ZSWIM4: variants seen among roughly 807,000 people sequenced by gnomAD.
The protein encoded by ZSWIM4 is zinc finger SWIM domain-containing protein 4.
Under a neutral mutation model 102.5 loss-of-function variants are expected in ZSWIM4, and 62 were observed. The observed-to-expected ratio is 0.60, with a 90% CI of 0.49 to 0.75. The LOEUF (loss-of-function observed/expected upper bound fraction) is 0.75, where lower values mean the gene tolerates loss of function less well. ZSWIM4 is among the 30% of genes least tolerant of loss of function. ZSWIM4 has a pLI of 0.00. For synonymous variants in ZSWIM4, 652 were observed against 674.5 expected (o/e 0.97, Z 0.52); for missense variants, 1,280 against 1,529.6 (o/e 0.84, Z 2.72).
chr19:13,802,836 C>A (rs2145265014), intron 2 of ZSWIM4, among the ~76,000 whole-genome samples: 1 of 152,282 alleles, frequency 6.6e-6, no homozygotes, highest in South Asian at 2.1e-4. Flanking sequence ...GCCACAGCCT[C>A]CCAAAGCACT....
rs1975736421 is a variant in ZSWIM4, at chr19:13,830,615, C to A, written c.2886C>A (p.Asn962Lys). 1 of 1,600,120 alleles carries A rather than the reference C, an allele frequency of 6.2e-7. No individual in the cohort carries two copies. Among genetic ancestry groups the A allele is most frequent in the African/African-American group, 1.3e-5 (1 of 74,930 alleles). The change falls in exon 14 of 14, where the codon AAC (asparagine) becomes AAA (lysine). Residue 962 changes from asparagine (N) to lysine (K), a missense_variant. Coordinates refer to ENST00000590508, the MANE Select transcript of ZSWIM4 (RefSeq NM_001367834.3). ...ACCAGGACAGCCACCCTGCCGTCAACGACGTGCTTTGGGCCTGCTCTCTCA... is the reference window on the plus strand; with the variant it reads ...ACCAGGACAGCCACCCTGCCGTCAAAGACGTGCTTTGGGCCTGCTCTCTCA... ...AFNQDSHPAV[N>K]DVLWACSLSH...
rs12610873 is a variant in ZSWIM4 at position 13,831,773 on chromosome 19, G to A, written c.*723G>A. On this transcript the variant is annotated 3_prime_UTR_variant, in exon 14 of 14. Coordinates refer to ENST00000590508, the MANE Select transcript of ZSWIM4 (RefSeq NM_001367834.3). ...ACCTGGGGTTGGGGGACACAGACGC[G>A]AGAGAGCCGGAGACCCCCACCCCCG... The A allele has an allele frequency of 0.33, 50,723 of 152,106 alleles. 8,556 individuals carry two copies. Among genetic ancestry groups the A allele is most frequent in the African/African-American group, 0.39 (16,269 of 41,408 alleles). The allele number at this position is 152,106 out of a possible 1,614,324, so 9.4% of individuals were successfully genotyped here. A position where few individuals can be genotyped will look rare whatever the true frequency, so the allele number is the denominator to read the frequency against.
intron 7 of ZSWIM4, among the ~76,000 whole-genome samples, chr19:13,816,039 GGA>G (rs374177430): frequency 9.3e-4 from 139 of 148,962 alleles, no homozygotes; most frequent in African/African-American, 3.0e-3. Context: ...AGAGATGGGG[GGA>G]GAGAGAGGGG....
intron 2 of ZSWIM4, among the ~76,000 whole-genome samples, chr19:13,801,719 T>G (rs1279681704): frequency 6.6e-6 from 1 of 150,858 alleles, no homozygotes; most frequent in African/African-American, 2.5e-5. Flanking sequence ...TTGCCCAGGC[T>G]GGAGTGCAGT....
chr19:13,808,241 A>G (rs895245705), intron 3 of ZSWIM4, among the ~76,000 whole-genome samples: 1 of 152,078 alleles, frequency 6.6e-6, no homozygotes, highest in Non-Finnish European at 1.5e-5. Flanking sequence ...CACAGAGCCA[A>G]ACCATATCAG....
rs146229565 is a variant in ZSWIM4, at chr19:13,826,915, C to T, written c.2379+1202C>T. ...TTGGTAGGGTGTGAGTGCCATGGGA[C>T]CTGGAGGAGGGTGGGGTCTGCAGGA... is the stretch of plus-strand genomic sequence containing the variant. On this transcript the variant is annotated intron_variant, in intron 12 of 13. Transcript: ENST00000590508. 4.6e-5 allele frequency among the ~76,000 whole-genome samples: 7 copies of T among 151,916 alleles called. No homozygotes were observed. In the East Asian group the frequency reaches 1.4e-3, roughly 29 times the overall value.
At chr19:13,816,225 A>T (rs1382455687) in intron 7 of ZSWIM4, among the ~76,000 whole-genome samples, 1 of 152,108 alleles carries the variant, frequency 6.6e-6, no homozygotes, top group African/African-American at 2.4e-5. Context: ...TGGAGGAAAC[A>T]TGGGGGCCCT....
intron 1 of ZSWIM4, 34 bp downstream of exon 1, chr19:13,795,835 G>A (rs1483408909): frequency 3.3e-6 from 4 of 1,194,162 alleles, no homozygotes; most frequent in Non-Finnish European, 4.2e-6. Flanking sequence ...GGGCAGGGAC[G>A]CACCCCCAGC....
In ZSWIM4 at chr19:13,825,342, G is replaced by C. The variant is rs1383124338; in HGVS notation, c.2216-208G>C. ...GCGCCCGGCCCCTAGGTGGCTTTCT[G>C]TAACAGGAAAGGGCCAGAGAGGAGA... On this transcript the variant is annotated intron_variant, in intron 11 of 13. Coordinates refer to ENST00000590508, the MANE Select transcript of ZSWIM4 (RefSeq NM_001367834.3). This position sits in a 1 kb window ranked among gnomAD's most constrained non-coding sequence, Gnocchi z 4.6. Among the ~76,000 whole-genome samples the C allele has an allele frequency of 6.6e-6, 1 of 152,078 alleles. No homozygotes were observed. Among genetic ancestry groups the C allele is most frequent in the South Asian group, 2.1e-4 (1 of 4,816 alleles).
chr19:13,799,068 C>A (rs888033693), intron 1 of ZSWIM4, among the ~76,000 whole-genome samples: 4 of 151,850 alleles, frequency 2.6e-5, no homozygotes, highest in Non-Finnish European at 5.9e-5. Context: ...GAATTGCAGG[C>A]ATGAGCCACT....
rs1243018296 is a variant in ZSWIM4, at chr19:13,830,495, C to T, written c.2766C>T (p.Leu922=). ...AAAGGLGHAH[L]FTVARYMEHR... ...CCGGCGGCCTGGGCCACGCCCACCT[C>T]TTCACTGTGGCCCGCTATATGGAGC... Residue 922 remains leucine (L), a synonymous_variant, in exon 14 of 14, where the codon CTC becomes CTT. Transcript: ENST00000590508. 1 of 1,600,910 alleles carries T rather than the reference C, an allele frequency of 6.2e-7. No individual in the cohort carries two copies. Among genetic ancestry groups the T allele is most frequent in the Non-Finnish European group, 8.5e-7 (1 of 1,179,610 alleles).
chr19:13,808,572 C>T (rs1225668882), intron 3 of ZSWIM4, among the ~76,000 whole-genome samples: 1 of 151,764 alleles, frequency 6.6e-6, no homozygotes, highest in Non-Finnish European at 1.5e-5. Context: ...CCCGCCTGTA[C>T]TAAAAATACA....
intron 1 of ZSWIM4, among the ~76,000 whole-genome samples, chr19:13,798,206 A>C (rs1467433463): frequency 6.6e-6 from 1 of 152,036 alleles, no homozygotes; most frequent in African/African-American, 2.4e-5. Context: ...TGACACAATC[A>C]TAACTCACTG....
Position 13,817,984 on chromosome 19 carries a change from C to G in ZSWIM4, c.1924+8C>G, listed in dbSNP as rs1975346114. The G allele has an allele frequency of 6.7e-7, 1 of 1,495,640 alleles. No individual in the cohort carries two copies. The highest frequency in any genetic ancestry group is 1.4e-5 in the African/African-American group (1 of 72,130). The allele number at this position is 1,495,640 out of a possible 1,614,324, so 92.6% of individuals were successfully genotyped here. A position where few individuals can be genotyped will look rare whatever the true frequency, so the allele number is the denominator to read the frequency against. ...CGGGGCTGCTGCTGGAAGGTGAGGC[C>G]GCGCCCCTAGGCCTGGCTGTTGCTG... On this transcript the variant is annotated splice_region_variant and intron_variant, in intron 9 of 13. Coordinates refer to ENST00000590508, the MANE Select transcript of ZSWIM4 (RefSeq NM_001367834.3).
At position 13,817,857 on chromosome 19, in the gene ZSWIM4, T is replaced by C. The variant is rs1262459228; in HGVS notation, c.1805T>C (p.Leu602Pro). The change falls in exon 9 of 14, where the codon CTG becomes CCG. Residue 602 changes from leucine (L) to proline (P), a missense_variant. Physicochemically the swap from Leu to Pro is moderately conservative, Grantham distance 98. Transcript: ENST00000590508. ...LGQQRALPEG[L>P]YAQDKVVRNE... ...CAGCAGCGGGCCCTGCCGGAGGGGC[T>C]GTACGCCCAGGACAAGGTGGTGCGC... 12 of 1,558,616 alleles carry C rather than the reference T, an allele frequency of 7.7e-6. No homozygotes were observed. The highest frequency in any genetic ancestry group is 1.0e-5 in the Non-Finnish European group (12 of 1,151,106).
At chr19:13,802,177 C>T (rs1174983959) in intron 2 of ZSWIM4, among the ~76,000 whole-genome samples, 1 of 150,902 alleles carries the variant, frequency 6.6e-6, no homozygotes, top group Non-Finnish European at 1.5e-5. Flanking sequence ...GGCGTTTCAC[C>T]GTGTTAGCCA....
rs1975759612 is a variant in ZSWIM4 at position 13,831,176 on chromosome 19, G to A, written c.*126G>A. On this transcript the variant is annotated 3_prime_UTR_variant, in exon 14 of 14. Coordinates refer to ENST00000590508, the MANE Select transcript of ZSWIM4 (RefSeq NM_001367834.3). ...AGGGAAGGAGCCCGGCTGGAGATGG[G>A]GGCAGGGGGAGCAGCATCCTGCCAC... 2 of 1,275,988 alleles carry A rather than the reference G, an allele frequency of 1.6e-6. No homozygotes were observed. The allele number at this position is 1,275,988 out of a possible 1,614,324, so 79.0% of individuals were successfully genotyped here.
In ZSWIM4 at chr19:13,817,198, C is replaced by A. The variant is rs763905479; in HGVS notation, c.1532-18C>A. The A allele has an allele frequency of 6.2e-7, 1 of 1,602,628 alleles. No homozygotes were observed. The highest frequency in any genetic ancestry group is 8.5e-7 in the Non-Finnish European group (1 of 1,171,890). ...TGGGCAGGTGTGTGGGCATTGAGCC[C>A]CCTCTTTCCACCTGCAGAGCTGCTC... On this transcript the variant is annotated intron_variant, in intron 7 of 13. Transcript: ENST00000590508.
In ZSWIM4 at chr19:13,797,604, C is replaced by T. The variant is rs1215653627; in HGVS notation, c.153+1803C>T. Among the ~76,000 whole-genome samples the T allele has an allele frequency of 2.6e-5, 4 of 152,310 alleles. No homozygotes were observed. The South Asian group carries it at 6.2e-4, about 24-fold the overall frequency. The stretch of plus-strand genomic sequence containing the variant: ...CACATATAAAATGCACTAACACTAA[C>T]AATAGCTGATGAGCTTAAAAAGAAA... On this transcript the variant is annotated intron_variant, in intron 1 of 13. Coordinates refer to ENST00000590508, the MANE Select transcript of ZSWIM4 (RefSeq NM_001367834.3).
Sources: gnomAD v4.1 joint callset for allele counts (sites outside exome capture counted in the v4.1 genomes callset) on GRCh38, gnomAD v4.1.1 for gene constraint, Gnocchi (gnomAD v3.1) non-coding constraint, MANE v1.5 for transcripts, NCBI Gene and HGNC (gene_info 2026-07-23, HGNC 2026-07-21) for gene names.